WDR70: variants seen among roughly 807,000 people sequenced by gnomAD.
WDR70 encodes WD repeat domain 70.
Under a neutral mutation model 88.6 loss-of-function variants are expected in WDR70, and 53 were observed. That is an observed-to-expected ratio of 0.60 (90% CI 0.48 to 0.75). WDR70 has a LOEUF of 0.75. Among genes scored for constraint, WDR70 ranks in the 30% least tolerant of loss-of-function variants. The pLI is 0.00. For synonymous variants in WDR70, 280 were observed against 270.0 expected, an observed-to-expected ratio of 1.04 and a Z score of -0.36; for missense variants, 610 against 823.2, an observed-to-expected ratio of 0.74 and a Z score of 3.17.
At chr5:37,616,395 A>G (rs1581438257) in intron 10 of WDR70, among the ~76,000 whole-genome samples, 1 of 152,308 alleles carries the variant, frequency 6.6e-6, no homozygotes, top group East Asian at 1.9e-4. Context: ...GATGGCAGCC[A>G]CTGCACCCAG....
intron 8 of WDR70, among the ~76,000 whole-genome samples, chr5:37,486,674 G>A (rs1272541753): frequency 6.6e-6 from 1 of 151,926 alleles, no homozygotes; most frequent in Non-Finnish European, 1.5e-5. Flanking sequence ...CATTCTGACT[G>A]GTGTGAGATG....
At chr5:37,438,669 A>G (rs902490944) in intron 6 of WDR70, among the ~76,000 whole-genome samples, 4 of 152,122 alleles carry the variant, frequency 2.6e-5, no homozygotes, top group African/African-American at 7.2e-5. Flanking sequence ...AATACATCCC[A>G]TAATAAGAGG....
intron 10 of WDR70, among the ~76,000 whole-genome samples, chr5:37,670,809 G>A (rs1347035043): frequency 6.6e-6 from 1 of 152,170 alleles, no homozygotes; most frequent in Non-Finnish European, 1.5e-5. Flanking sequence ...TTCCCTCACT[G>A]AAATGAAACC....
At position 37,655,343 on chromosome 5, in the gene WDR70, C is replaced by T. The variant is rs544635389; in HGVS notation, c.1093-42312C>T. On this transcript the variant is annotated intron_variant, in intron 10 of 17. Coordinates refer to ENST00000265107, the MANE Select transcript of WDR70 (RefSeq NM_018034.4). Reference sequence around the variant, plus strand: ...CTGATGGGCTTCCTTCTGTGGGTAACCCAACCTTTCTTCTCTTGCTGCCCT... The same window carrying T: ...CTGATGGGCTTCCTTCTGTGGGTAATCCAACCTTTCTTCTCTTGCTGCCCT... 9.2e-5 allele frequency among the ~76,000 whole-genome samples: 14 copies of T among 152,248 alleles called. No individual in the cohort carries two copies. The South Asian group carries it at 2.9e-3, about 32-fold the overall frequency.
intron 5 of WDR70, among the ~76,000 whole-genome samples, chr5:37,435,881 G>A (rs2112033931): frequency 6.6e-6 from 1 of 152,034 alleles, no homozygotes; most frequent in Non-Finnish European, 1.5e-5. Flanking sequence ...GTGTATGTAT[G>A]TCTGCCATAT....
At chr5:37,691,357 G>A (rs564504692) in intron 10 of WDR70, among the ~76,000 whole-genome samples, 5 of 152,238 alleles carry the variant, frequency 3.3e-5, no homozygotes, top group South Asian at 2.1e-4. Context: ...TGCACCAAGC[G>A]GACCTAGTAG....
chr5:37,640,650 T>G (rs1355124580), intron 10 of WDR70, among the ~76,000 whole-genome samples: 1 of 152,216 alleles, frequency 6.6e-6, no homozygotes, highest in Non-Finnish European at 1.5e-5. Flanking sequence ...GCAGCATTTA[T>G]TCTTAACTTC....
At chr5:37,485,858 ATTTTTTTTTTTTTTTT>A (rs57109943) in intron 8 of WDR70, among the ~76,000 whole-genome samples, 2 of 108,290 alleles carry the variant, frequency 1.8e-5, no homozygotes, top group Non-Finnish European at 3.5e-5. Context: ...TGCCTGGCTA[ATTTTTTTTTTTTTTTT>A]TTTTTTTTTT....
chr5:37,426,829 C>A (rs62360225), intron 5 of WDR70, among the ~76,000 whole-genome samples: 1 of 149,798 alleles, frequency 6.7e-6, no homozygotes. Context: ...TCTCTCTTGC[C>A]AGACTGGAAT....
chr5:37,392,225 G>A (rs778053150), intron 4 of WDR70, 105 bp downstream of exon 4: 188 of 1,290,124 alleles, frequency 1.5e-4, no homozygotes, highest in Non-Finnish European at 1.9e-4. Context: ...TTGCTCTATC[G>A]CCCTCTGCAG....
chr5:37,447,445 C>T (rs1738532450), intron 7 of WDR70, among the ~76,000 whole-genome samples: 1 of 152,030 alleles, frequency 6.6e-6, no homozygotes, highest in Non-Finnish European at 1.5e-5. Context: ...GGTTATATAC[C>T]CAAAGGATTA....
At chr5:37,650,252 T>G (rs1745363530) in intron 10 of WDR70, among the ~76,000 whole-genome samples, 1 of 151,280 alleles carries the variant, frequency 6.6e-6, no homozygotes, top group African/African-American at 2.4e-5. Context: ...AAAAACAAAA[T>G]TAGCTGGGTG....
chr5:37,631,878 T>C (rs1389317419), intron 10 of WDR70, among the ~76,000 whole-genome samples: 1 of 152,200 alleles, frequency 6.6e-6, no homozygotes, highest in African/African-American at 2.4e-5. Flanking sequence ...ACTACTTATC[T>C]GTGCACCCAC....
intron 5 of WDR70, among the ~76,000 whole-genome samples, chr5:37,424,465 C>T (rs910282174): frequency 2.7e-5 from 4 of 150,654 alleles, no homozygotes; most frequent in Admixed American, 6.7e-5. Flanking sequence ...AGTACAGTGG[C>T]GTGATCACGG....
intron 9 of WDR70, among the ~76,000 whole-genome samples, chr5:37,583,635 C>T (rs1193525404): frequency 7.0e-6 from 1 of 143,018 alleles, no homozygotes; most frequent in Admixed American, 6.9e-5. Context: ...ATACTTGTGT[C>T]CTTTGAAAGG....
intron 9 of WDR70, among the ~76,000 whole-genome samples, chr5:37,596,319 T>C (rs1743699064): frequency 6.6e-6 from 1 of 152,170 alleles, no homozygotes; most frequent in Non-Finnish European, 1.5e-5. Flanking sequence ...TTGGCATCTA[T>C]AAACCAACAG....
chr5:37,479,469 A>G (rs112144111), intron 7 of WDR70: 25,843 of 159,886 alleles, frequency 0.16, 2,240 homozygotes, highest in South Asian at 0.27. Flanking sequence ...TCCCAGGTTC[A>G]AGCAATTCTC....
intron 7 of WDR70, among the ~76,000 whole-genome samples, chr5:37,468,756 C>G (rs1739237017): frequency 6.6e-6 from 1 of 152,222 alleles, no homozygotes; most frequent in Non-Finnish European, 1.5e-5. Flanking sequence ...AAAAAAATTG[C>G]ATCTGTACTG....
At chr5:37,485,106 G>T (rs1739815952) in intron 8 of WDR70, among the ~76,000 whole-genome samples, 1 of 152,178 alleles carries the variant, frequency 6.6e-6, no homozygotes, top group Non-Finnish European at 1.5e-5. Context: ...ACTGGATATG[G>T]TTGATGCAGA....
Sources: gnomAD v4.1 joint callset for allele counts (sites outside exome capture counted in the v4.1 genomes callset) on GRCh38, gnomAD v4.1.1 for gene constraint, MANE v1.5 for transcripts, NCBI Gene and HGNC (gene_info 2026-07-23, HGNC 2026-07-21) for gene names.